Variants in NR5A1 observed in about 807,000 individuals in gnomAD.
NR5A1 encodes the protein nuclear receptor subfamily 5 group A member 1, also known as steroidogenic factor 1.
Under a neutral mutation model 42.7 loss-of-function variants are expected in NR5A1, and 6 were observed. The observed-to-expected ratio is 0.14, with a 90% CI of 0.08 to 0.28. The LOEUF (loss-of-function observed/expected upper bound fraction) is 0.28, where lower values mean the gene tolerates loss of function less well. NR5A1 is among the 10% of genes least tolerant of loss of function. The probability of loss-of-function intolerance (pLI) is 1.00; values close to 1 mark genes in which losing one functional copy is unlikely to be tolerated. For synonymous variants in NR5A1, 274 were observed against 277.5 expected (o/e 0.99, Z 0.12); for missense variants, 442 against 626.4 (o/e 0.71, Z 3.14).
rs1164219099 is a variant in NR5A1, at chr9:124,503,858, G to A, written c.-15-448C>T. 1.3e-5 allele frequency among the ~76,000 whole-genome samples: 2 copies of A among 152,164 alleles called. No homozygotes were observed. Among genetic ancestry groups the A allele is most frequent in the African/African-American group, 2.4e-5 (1 of 41,442 alleles). The stretch of plus-strand genomic sequence containing the variant: ...CGAAGGAGGCAGAGACAGAGTCCGG[G>A]GGAGCCAGAGATGGGAAGAAACTCT... On this transcript the variant is annotated intron_variant, in intron 1 of 6. Coordinates refer to ENST00000373588, the MANE Select transcript of NR5A1 (RefSeq NM_004959.5). The surrounding 1 kb of genome is among the most constrained non-coding windows in gnomAD (Gnocchi z 9.6).
In NR5A1 at chr9:124,506,733, A is replaced by C. The variant is rs190518064; in HGVS notation, c.-16+516T>G. Among the ~76,000 whole-genome samples the C allele has an allele frequency of 2.6e-5, 4 of 152,280 alleles. No homozygotes were observed. The East Asian group carries it at 7.7e-4, about 29-fold the overall frequency. On this transcript the variant is annotated intron_variant, in intron 1 of 6. Coordinates refer to ENST00000373588, the MANE Select transcript of NR5A1 (RefSeq NM_004959.5). ...CGAGGCACCCACCCCCACAGGTTCC[A>C]GGTTCCAGCCCACCGCCTGGGGAGT...
chr9:124,493,273 C>T (rs963265618), intron 4 of NR5A1, 124 bp from the exon 5 acceptor site: 1 of 1,269,504 alleles, frequency 7.9e-7, no homozygotes, highest in Non-Finnish European at 1.1e-6. Flanking sequence ...CCTCTCTGTG[C>T]CCATCTACCC....
At position 124,482,708 on chromosome 9, in the gene NR5A1, G is replaced by GGCCC; in HGVS notation, c.*49_*50insGGGC. 4 of 557,984 alleles carry GGCCC rather than the reference G, an allele frequency of 7.2e-6. No homozygotes were observed. Among genetic ancestry groups the GGCCC allele is most frequent in the Admixed American group, 2.6e-5 (1 of 38,910 alleles). 34.6% of individuals were successfully genotyped at this position (557,984 alleles called of 1,614,324 possible). A position where few individuals can be genotyped will look rare whatever the true frequency, so the allele number is the denominator to read the frequency against. Reference sequence around the variant, plus strand: ...GCGGTGTGGCTGCGGCCCCGCCCAGGCCCCGCCCCCAGTCCCGCCCCCAGT... The same window carrying GGCCC: ...GCGGTGTGGCTGCGGCCCCGCCCAGGGCCCCCCCGCCCCCAGTCCCGCCCCCAGT... On this transcript the variant is annotated 3_prime_UTR_variant, in exon 7 of 7. Coordinates refer to ENST00000373588, the MANE Select transcript of NR5A1 (RefSeq NM_004959.5).
Position 124,496,184 on chromosome 9 carries a change from GCACACACA to G in NR5A1, c.871-3043_871-3036del. ...ACACTCCCCACACAGATGAGAATGCGCACACACACACACACACACACACAACCTCTTTT... is the reference window on the plus strand; with the variant it reads ...ACACTCCCCACACAGATGAGAATGCGCACACACACACACACAACCTCTTTT... On this transcript the variant is annotated intron_variant, in intron 4 of 6. Transcript: ENST00000373588. The surrounding 1 kb of genome is among the most constrained non-coding windows in gnomAD (Gnocchi z 5.0). Among the ~76,000 whole-genome samples the G allele has an allele frequency of 6.8e-6, 1 of 148,146 alleles. No individual in the cohort carries two copies. Among genetic ancestry groups the G allele is most frequent in the East Asian group, 2.0e-4 (1 of 5,052 alleles).
intron 1 of NR5A1, among the ~76,000 whole-genome samples, chr9:124,506,368 C>T (rs181783305): frequency 6.6e-6 from 1 of 152,302 alleles, no homozygotes; most frequent in East Asian, 1.9e-4. Context: ...TCGTACCCCC[C>T]GCACCCCCAA....
rs1164278377 is a variant in NR5A1 at position 124,498,441 on chromosome 9, G to A, written c.870+1649C>T. Among the ~76,000 whole-genome samples, 1 of 152,136 alleles carries A rather than the reference G, an allele frequency of 6.6e-6. No homozygotes were observed. Among genetic ancestry groups the A allele is most frequent in the African/African-American group, 2.4e-5 (1 of 41,426 alleles). On this transcript the variant is annotated intron_variant, in intron 4 of 6. Coordinates refer to ENST00000373588, the MANE Select transcript of NR5A1 (RefSeq NM_004959.5). This position sits in a 1 kb window ranked among gnomAD's most constrained non-coding sequence, Gnocchi z 4.6. ...CAGGAAAAAACACTCAGCAAAGCTGGGACAAAAGCCCTTCCCATCCTGCGT... is the reference window on the plus strand; with the variant it reads ...CAGGAAAAAACACTCAGCAAAGCTGAGACAAAAGCCCTTCCCATCCTGCGT...
rs753198272 is a variant in NR5A1, at chr9:124,482,979, G to C, written c.1165C>G (p.Leu389Val). Reference protein sequence around the residue: ...LDLKFLNNHILVKDAQEKANA... With the variant: ...LDLKFLNNHIVVKDAQEKANA... ...GCCTTCTCCTGAGCGTCTTTCACCAGGATGTGGTTATTCAGGAACTTCAAA... is the reference window on the plus strand; with the variant it reads ...GCCTTCTCCTGAGCGTCTTTCACCACGATGTGGTTATTCAGGAACTTCAAA... Residue 389 changes from leucine (L) to valine (V), a missense_variant, in exon 7 of 7, where the codon CTG becomes GTG. Around this residue, in one of 3 missense-constraint regions of NR5A1, gnomAD observed 163 missense variants for 265.8 expected, o/e 0.61. Transcript: ENST00000373588. 6.2e-7 allele frequency: 1 copy of C among 1,614,142 alleles called. No individual in the cohort carries two copies. Among genetic ancestry groups the C allele is most frequent in the Non-Finnish European group, 8.5e-7 (1 of 1,180,044 alleles).
rs754986469 is a variant in NR5A1 at position 124,491,222 on chromosome 9, G to A, written c.997C>T (p.Leu333=). 6.2e-7 allele frequency: 1 copy of A among 1,602,392 alleles called. No individual in the cohort carries two copies. Among genetic ancestry groups the A allele is most frequent in the South Asian group, 1.1e-5 (1 of 90,464 alleles). ...CCCGCCTGGGTGGCCACTGTGGTCA[G>A]CTCCACCTGGGGGCAGAGGGCACGG... ...ILLVTGQEVE[L]TTVATQAGSL... is the part of the protein sequence containing the mutation. The change falls in exon 6 of 7, where the codon CTG becomes TTG. Residue 333 remains leucine (L), a synonymous_variant. Transcript: ENST00000373588.
intron 6 of NR5A1, 65 bp downstream of exon 6, chr9:124,491,016 C>CTGG: frequency 1.2e-5 from 7 of 564,594 alleles, no homozygotes; most frequent in Non-Finnish European, 2.2e-5. Flanking sequence ...TCTCCAGCCT[C>CTGG]ACCCACCCTC....
Position 124,496,001 on chromosome 9 carries a change from A to T in NR5A1, c.871-2852T>A, listed in dbSNP as rs1187015492. Among the ~76,000 whole-genome samples the T allele has an allele frequency of 6.6e-6, 1 of 152,194 alleles. No homozygotes were observed. Among genetic ancestry groups the T allele is most frequent in the Non-Finnish European group, 1.5e-5 (1 of 68,034 alleles). ...CTCTCTTTTTTGGTTAAAACGTAAGAACACACATTGGGATGTATGGGAATC... is the reference window on the plus strand; with the variant it reads ...CTCTCTTTTTTGGTTAAAACGTAAGTACACACATTGGGATGTATGGGAATC... On this transcript the variant is annotated intron_variant, in intron 4 of 6. Coordinates refer to ENST00000373588, the MANE Select transcript of NR5A1 (RefSeq NM_004959.5). This position sits in a 1 kb window ranked among gnomAD's most constrained non-coding sequence, Gnocchi z 5.0.
chr9:124,504,360 C>CG lies in NR5A1; in HGVS notation c.-15-951dup, dbSNP rs559929043. ...GAGGCCCCGCAGGGTCGGACCCAGA[C>CG]GGGGGCCCGGGCCGCAGGAGGCGGA... On this transcript the variant is annotated intron_variant, in intron 1 of 6. Coordinates refer to ENST00000373588, the MANE Select transcript of NR5A1 (RefSeq NM_004959.5). 5.3e-5 allele frequency among the ~76,000 whole-genome samples: 8 copies of CG among 152,018 alleles called. No homozygotes were observed. The South Asian group carries it at 1.7e-3, about 32-fold the overall frequency.
chr9:124,484,063 T>G (rs1832171126), intron 6 of NR5A1, among the ~76,000 whole-genome samples: 1 of 152,130 alleles, frequency 6.6e-6, no homozygotes, highest in South Asian at 2.1e-4. Context: ...TACCCTACAG[T>G]TGGCAAAATC....
chr9:124,506,147 G>A (rs1450047439), intron 1 of NR5A1, among the ~76,000 whole-genome samples: 2 of 152,198 alleles, frequency 1.3e-5, no homozygotes, highest in African/African-American at 4.8e-5. Context: ...AACCCCCCGC[G>A]CAGACCGCAC....
At chr9:124,497,169 C>T (rs1393885866) in intron 4 of NR5A1, among the ~76,000 whole-genome samples, 2 of 152,184 alleles carry the variant, frequency 1.3e-5, no homozygotes, top group Non-Finnish European at 2.9e-5. Context: ...CGAAACTGCC[C>T]GCGCTCAGTT....
intron 5 of NR5A1, 37 bp from the exon 6 acceptor site, chr9:124,491,265 G>C: frequency 6.5e-7 from 1 of 1,549,854 alleles, no homozygotes; most frequent in Non-Finnish European, 8.7e-7. Context: ...GACAGTCAGA[G>C]GACGTGGGTC....
rs766084001 is a variant in NR5A1, at chr9:124,500,141, G to A, written c.819C>T (p.Phe273=). The stretch of plus-strand genomic sequence containing the variant: ...TGCGTGCCCAGTCCACGATGGAGAT[G>A]AAGGTCTGGTCGGCCATTCTGCACA... ...GLLCRMADQT[F]ISIVDWARRC... is the part of the protein sequence containing the mutation. Residue 273 remains phenylalanine (F), a synonymous_variant, in exon 4 of 7, where the codon TTC becomes TTT. Transcript: ENST00000373588. This position sits in a 1 kb window ranked among gnomAD's most constrained non-coding sequence, Gnocchi z 6.9. 4 of 1,613,090 alleles carry A rather than the reference G, an allele frequency of 2.5e-6. No homozygotes were observed. The South Asian group carries it at 4.4e-5, about 18-fold the overall frequency.
At chr9:124,485,169 C>A (rs1237859966) in intron 6 of NR5A1, among the ~76,000 whole-genome samples, 1 of 151,958 alleles carries the variant, frequency 6.6e-6, no homozygotes, top group East Asian at 1.9e-4. Context: ...CTAGGAGGTG[C>A]CCAGCCTGGG....
intron 6 of NR5A1, among the ~76,000 whole-genome samples, chr9:124,489,896 C>A (rs1832278142): frequency 6.6e-6 from 1 of 152,154 alleles, no homozygotes. Flanking sequence ...CTGCACCCAG[C>A]CACATGGCAT....
intron 1 of NR5A1, among the ~76,000 whole-genome samples, chr9:124,506,462 C>T (rs1181740531): frequency 6.6e-6 from 1 of 152,170 alleles, no homozygotes; most frequent in Non-Finnish European, 1.5e-5. Flanking sequence ...CAATGGAGCC[C>T]TCAGACAGTG....
Sources: allele counts gnomAD v4.1 joint callset (sites outside exome capture counted in the v4.1 genomes callset), GRCh38; gene constraint gnomAD v4.1.1; regional missense constraint gnomAD v4.1.1; non-coding constraint Gnocchi (gnomAD v3.1); transcripts MANE v1.5; gene names NCBI Gene and HGNC (gene_info 2026-07-23, HGNC 2026-07-21).